The following AKAP19 variants were observed in gnomAD, a reference collection of about 807,000 sequenced individuals.
The protein encoded by AKAP19 is A-kinase anchoring protein 19.
the AKAP19 span, among the ~76,000 whole-genome samples, chr2:190,106,569 A>G: frequency 6.6e-6 from 1 of 151,980 alleles, no homozygotes; most frequent in South Asian, 2.1e-4. Context: ...TCTCCTTACC[A>G]CCAGTTATCT....
At chr2:190,108,168 A>AT in the AKAP19 span, among the ~76,000 whole-genome samples, 3 of 151,920 alleles carry the variant, frequency 2.0e-5, no homozygotes, top group Non-Finnish European at 2.9e-5. Context: ...TGTTGTTGTT[A>AT]TTTTTTGAAA....
At chr2:190,120,483 G>A in the AKAP19 span, among the ~76,000 whole-genome samples, 3 of 152,156 alleles carry the variant, frequency 2.0e-5, no homozygotes, top group African/African-American at 4.8e-5. Flanking sequence ...TACAAACTTA[G>A]AAAGGAGTAT....
the AKAP19 span, among the ~76,000 whole-genome samples, chr2:190,106,978 G>A: frequency 6.6e-6 from 1 of 152,156 alleles, no homozygotes; most frequent in Non-Finnish European, 1.5e-5. Context: ...AGAAACATAA[G>A]CTGGAGAGAG....
the AKAP19 span, among the ~76,000 whole-genome samples, chr2:189,922,092 G>A: frequency 6.6e-6 from 1 of 152,166 alleles, no homozygotes; most frequent in African/African-American, 2.4e-5. Flanking sequence ...CTAGCCAGGT[G>A]AAGAGGGAAC....
the AKAP19 span, among the ~76,000 whole-genome samples, chr2:189,919,345 T>G: frequency 6.6e-6 from 1 of 152,338 alleles, no homozygotes; most frequent in African/African-American, 2.4e-5. Flanking sequence ...GTATAGTGGA[T>G]GTACCAAATG....
chr2:189,897,885 CT>C, the AKAP19 span, among the ~76,000 whole-genome samples: 1 of 152,134 alleles, frequency 6.6e-6, no homozygotes, highest in South Asian at 2.1e-4. Flanking sequence ...ACTAAATCCT[CT>C]CTAGAACTTA....
At chr2:189,902,479 G>A in the AKAP19 span, among the ~76,000 whole-genome samples, 199 of 151,978 alleles carry the variant, frequency 1.3e-3, no homozygotes, top group African/African-American at 4.5e-3. Flanking sequence ...TTTAAAAGAC[G>A]TTTTAAATGC....
At chr2:190,165,524 CA>C in the AKAP19 span, among the ~76,000 whole-genome samples, 1 of 151,954 alleles carries the variant, frequency 6.6e-6, no homozygotes, top group Non-Finnish European at 1.5e-5. Context: ...AAAATTAACC[CA>C]AAGCATGAGC....
chr2:190,112,014 C>T, the AKAP19 span, among the ~76,000 whole-genome samples: 2 of 152,286 alleles, frequency 1.3e-5, no homozygotes, highest in South Asian at 2.1e-4. Flanking sequence ...TCTCCTGCCT[C>T]AGCCTCCTGA....
the AKAP19 span, among the ~76,000 whole-genome samples, chr2:190,151,666 A>C: frequency 6.6e-6 from 1 of 152,192 alleles, no homozygotes; most frequent in South Asian, 2.1e-4. Flanking sequence ...TGCTGCAATG[A>C]ACAAACCAAG....
the AKAP19 span, among the ~76,000 whole-genome samples, chr2:190,142,383 A>C: frequency 6.6e-6 from 1 of 152,214 alleles, no homozygotes; most frequent in Admixed American, 6.5e-5. Flanking sequence ...TACTTGGTAA[A>C]TGAAGTTATA....
chr2:190,051,439 A>AGGATGAGGAG, the AKAP19 span, among the ~76,000 whole-genome samples: 6 of 152,304 alleles, frequency 3.9e-5, no homozygotes, highest in African/African-American at 1.2e-4. Context: ...AGGATGAGGA[A>AGGATGAGGAG]TCTTTGGTGG....
chr2:189,991,112 CT>C, the AKAP19 span, among the ~76,000 whole-genome samples: 1 of 152,066 alleles, frequency 6.6e-6, no homozygotes, highest in Non-Finnish European at 1.5e-5. Flanking sequence ...AGCATTTAGA[CT>C]GGTTTTATAT....
At chr2:189,968,997 A>C in the AKAP19 span, among the ~76,000 whole-genome samples, 2 of 152,202 alleles carry the variant, frequency 1.3e-5, no homozygotes, top group Non-Finnish European at 2.9e-5. Flanking sequence ...TGCAGAGTCA[A>C]ATAGTATGAA....
the AKAP19 span, among the ~76,000 whole-genome samples, chr2:190,195,806 G>GA: frequency 1.2e-4 from 18 of 152,234 alleles, no homozygotes; most frequent in Non-Finnish European, 1.9e-4. Context: ...CTTTGGCACT[G>GA]AATCTAAAAG....
chr2:189,943,976 GTAGA>G, the AKAP19 span, among the ~76,000 whole-genome samples: 2 of 152,176 alleles, frequency 1.3e-5, no homozygotes, highest in East Asian at 3.9e-4. Context: ...AGGCTAATAG[GTAGA>G]TGGGATTTGC....
chr2:190,177,405 T>C, the AKAP19 span, among the ~76,000 whole-genome samples: 47 of 152,304 alleles, frequency 3.1e-4, no homozygotes, highest in African/African-American at 1.1e-3. The surrounding 1 kb of genome is among the most constrained non-coding windows in gnomAD (Gnocchi z 4.6). Context: ...ACCACTTCAT[T>C]ATCAGAAAAC....
chr2:190,200,669 A>AGAT, the AKAP19 span: 7 of 169,190 alleles, frequency 4.1e-5, no homozygotes, highest in African/African-American at 1.4e-4. Flanking sequence ...GTCTTTAATA[A>AGAT]GATAAGATAT....
the AKAP19 span, among the ~76,000 whole-genome samples, chr2:190,066,736 A>C: frequency 0.069 from 10,456 of 152,246 alleles, 869 homozygotes; most frequent in African/African-American, 0.2. Flanking sequence ...GAGACCCAAA[A>C]TATAGTTCTG....
Sources: allele counts gnomAD v4.1 joint callset (sites outside exome capture counted in the v4.1 genomes callset), GRCh38; gene constraint gnomAD v4.1.1; non-coding constraint Gnocchi (gnomAD v3.1); transcripts MANE v1.5; gene names NCBI Gene and HGNC (gene_info 2026-07-23, HGNC 2026-07-21).